The following MBNL2 variants were observed in gnomAD, a reference collection of about 807,000 sequenced individuals.
MBNL2 encodes muscleblind like splicing regulator 2, also known as muscleblind-like protein 2.
Under a neutral mutation model 41.9 loss-of-function variants are expected in MBNL2, and 17 were observed. That is an observed-to-expected ratio of 0.41 (90% CI 0.28 to 0.61). MBNL2 has a LOEUF of 0.61. Ranked by LOEUF, MBNL2 falls within the 20% of genes least tolerant of loss-of-function variation. The pLI is 0.35. For missense variants in MBNL2, 336 were observed against 505.6 expected, an observed-to-expected ratio of 0.66 and a Z score of 3.22; for synonymous variants, 195 against 182.9, an observed-to-expected ratio of 1.07 and a Z score of -0.53.
chr13:97,156,415 C>G, the MBNL2 span, among the ~76,000 whole-genome samples: 1 of 145,596 alleles, frequency 6.9e-6, no homozygotes, highest in African/African-American at 2.6e-5. Context: ...TCCCATTTGT[C>G]AATTTTGGCT....
intron 3 of MBNL2, among the ~76,000 whole-genome samples, chr13:97,339,623 C>G (rs2061258367): frequency 6.6e-6 from 1 of 152,146 alleles, no homozygotes; most frequent in South Asian, 2.1e-4. Context: ...TGCTGCCCTT[C>G]TCTTTTCTCA....
chr13:97,275,027 AAAG>A (rs572493678), intron 1 of MBNL2, among the ~76,000 whole-genome samples: 274 of 152,348 alleles, frequency 1.8e-3, no homozygotes, highest in African/African-American at 6.4e-3. Context: ...TGAAAACTAC[AAAG>A]AATAGTCTTT....
At chr13:97,380,039 T>G (rs2153155328) in intron 8 of MBNL2, among the ~76,000 whole-genome samples, 1 of 152,370 alleles carries the variant, frequency 6.6e-6, no homozygotes, top group South Asian at 2.1e-4. Flanking sequence ...TAGTATAAAA[T>G]GGTTCTTCTT....
chr13:97,264,142 C>T (rs563809167), intron 1 of MBNL2, among the ~76,000 whole-genome samples: 2 of 151,928 alleles, frequency 1.3e-5, no homozygotes, highest in African/African-American at 4.8e-5. Context: ...ATTCTCCTGC[C>T]TCAGCCTCCC....
chr13:97,257,018 T>A (rs994087537), intron 1 of MBNL2, among the ~76,000 whole-genome samples: 1 of 152,236 alleles, frequency 6.6e-6, no homozygotes, highest in African/African-American at 2.4e-5. Flanking sequence ...AAAATAATAC[T>A]TTAAATCGGA....
At chr13:97,223,952 A>C (rs376443682) in intron 1 of MBNL2, among the ~76,000 whole-genome samples, 1 of 152,194 alleles carries the variant, frequency 6.6e-6, no homozygotes, top group Non-Finnish European at 1.5e-5. Context: ...CTGGCCAGGA[A>C]CATTCTAACT....
chr13:97,348,087 T>TG (rs1237534487), intron 5 of MBNL2, among the ~76,000 whole-genome samples: 23 of 150,630 alleles, frequency 1.5e-4, no homozygotes, highest in African/African-American at 5.6e-4. Context: ...TTTTTTTTTT[T>TG]TTTTTTTTTA....
chr13:97,215,782 T>C, the MBNL2 span, among the ~76,000 whole-genome samples: 1 of 152,202 alleles, frequency 6.6e-6, no homozygotes, highest in Non-Finnish European at 1.5e-5. Flanking sequence ...TGAAAAAAAT[T>C]ATGGAATACC....
chr13:97,152,122 CAAA>C, the MBNL2 span, among the ~76,000 whole-genome samples: 3,939 of 152,006 alleles, frequency 0.026, 76 homozygotes, highest in Non-Finnish European at 0.039. Flanking sequence ...ATTCATGAAA[CAAA>C]GAAGATGAAG....
chr13:97,283,581 A>G (rs940902008), intron 2 of MBNL2, among the ~76,000 whole-genome samples: 2 of 152,222 alleles, frequency 1.3e-5, no homozygotes, highest in Admixed American at 6.5e-5. Context: ...ATCTTTACCC[A>G]GGAAAGTATC....
At chr13:97,253,073 C>A (rs1270768823) in intron 1 of MBNL2, among the ~76,000 whole-genome samples, 1 of 152,164 alleles carries the variant, frequency 6.6e-6, no homozygotes, top group African/African-American at 2.4e-5. Flanking sequence ...TAACTGAAAT[C>A]TGAGACACTC....
intron 1 of MBNL2, among the ~76,000 whole-genome samples, chr13:97,233,085 C>G (rs1431663818): frequency 8.4e-5 from 11 of 130,836 alleles, no homozygotes; most frequent in African/African-American, 3.2e-4. Flanking sequence ...CCTTCCTGTG[C>G]AGTGCCGTTT....
chr13:97,373,601 T>TAAAAA (rs935876001), intron 8 of MBNL2, among the ~76,000 whole-genome samples: 2 of 129,572 alleles, frequency 1.5e-5, no homozygotes, highest in African/African-American at 6.8e-5. Context: ...CTTAGTATGC[T>TAAAAA]AAAAATATAT....
chr13:97,252,581 T>C (rs1013752633), intron 1 of MBNL2, among the ~76,000 whole-genome samples: 1 of 152,186 alleles, frequency 6.6e-6, no homozygotes, highest in African/African-American at 2.4e-5. Context: ...GCTTGTCCAA[T>C]ACATTTTCAG....
At chr13:97,177,378 A>G in the MBNL2 span, among the ~76,000 whole-genome samples, 1,008 of 152,308 alleles carry the variant, frequency 6.6e-3, 10 homozygotes, top group African/African-American at 0.023. Flanking sequence ...TTTTGCAGCC[A>G]TGAAAGAACA....
chr13:97,361,459 C>G (rs1341025530), intron 7 of MBNL2, among the ~76,000 whole-genome samples: 1 of 152,104 alleles, frequency 6.6e-6, no homozygotes, highest in Non-Finnish European at 1.5e-5. Flanking sequence ...CTAAGAAGAT[C>G]AGGACCAGAA....
chr13:97,271,976 T>C (rs1008375749), intron 1 of MBNL2, among the ~76,000 whole-genome samples: 3 of 152,184 alleles, frequency 2.0e-5, no homozygotes, highest in African/African-American at 7.2e-5. Context: ...GTGTTTCTGG[T>C]TCTAGATCCT....
At chr13:97,312,669 AAT>A (rs2058714341) in intron 2 of MBNL2, among the ~76,000 whole-genome samples, 1 of 152,220 alleles carries the variant, frequency 6.6e-6, no homozygotes, top group Non-Finnish European at 1.5e-5. Context: ...ATTGAGTTAG[AAT>A]TCTAAGTAGC....
chr13:97,211,483 T>G, the MBNL2 span, among the ~76,000 whole-genome samples: 1 of 152,248 alleles, frequency 6.6e-6, no homozygotes, highest in South Asian at 2.1e-4. Context: ...AAGATTAGAA[T>G]GACTCAGTGA....
Sources: allele counts gnomAD v4.1 joint callset (sites outside exome capture counted in the v4.1 genomes callset), GRCh38; gene constraint gnomAD v4.1.1; transcripts MANE v1.5; gene names NCBI Gene and HGNC (gene_info 2026-07-23, HGNC 2026-07-21).